Variants in TNNI3K observed in about 807,000 individuals in gnomAD.
The protein encoded by TNNI3K is TNNI3 interacting kinase.
In TNNI3K, 140 loss-of-function variants were observed where a neutral mutation model predicts 114.5. The observed-to-expected ratio is 1.22, with a 90% CI of 1.07 to 1.41. TNNI3K has a LOEUF of 1.41. Among genes scored for constraint, TNNI3K ranks in the 40% most tolerant of loss-of-function variants. The probability of loss-of-function intolerance (pLI) is 0.00; values close to 1 mark genes in which losing one functional copy is unlikely to be tolerated. For synonymous variants in TNNI3K, 347 were observed against 347.5 expected (o/e 1.00, Z 0.02); for missense variants, 1,125 against 1,007.6 (o/e 1.12, Z -1.58).
intron 23 of TNNI3K, among the ~76,000 whole-genome samples, chr1:74,493,389 A>C (rs1470893217): frequency 6.6e-6 from 1 of 152,204 alleles, no homozygotes; most frequent in African/African-American, 2.4e-5. Context: ...AACAGAAGCA[A>C]AAACAAAAAG....
intron 4 of TNNI3K, among the ~76,000 whole-genome samples, chr1:74,267,762 A>G (rs991539083): frequency 3.3e-5 from 5 of 151,962 alleles, no homozygotes; most frequent in African/African-American, 1.2e-4. Flanking sequence ...GAGAAATCCA[A>G]CCAAGGTATG....
intron 5 of TNNI3K, among the ~76,000 whole-genome samples, chr1:74,275,572 T>C (rs151245813): frequency 2.0e-3 from 304 of 151,920 alleles, no homozygotes; most frequent in African/African-American, 6.8e-3. Context: ...ATTGAACTAG[T>C]CTAAAGAATG....
At chr1:74,282,427 C>T (rs868217949) in intron 5 of TNNI3K, among the ~76,000 whole-genome samples, 1 of 151,968 alleles carries the variant, frequency 6.6e-6, no homozygotes, top group African/African-American at 2.4e-5. Context: ...TGTATGTTAA[C>T]ATGCTCATAT....
chr1:74,527,560 A>G (rs1389484158), intron 23 of TNNI3K, among the ~76,000 whole-genome samples: 1 of 152,182 alleles, frequency 6.6e-6, no homozygotes. Flanking sequence ...TATGGTGGAT[A>G]GGGAGGGGAG....
intron 2 of TNNI3K, among the ~76,000 whole-genome samples, chr1:74,247,855 A>G (rs1166947419): frequency 2.0e-5 from 3 of 152,174 alleles, no homozygotes; most frequent in Non-Finnish European, 4.4e-5. Context: ...GATCCCACGC[A>G]GGGGCCGCAG....
At chr1:74,303,714 G>T (rs1658462856) in intron 5 of TNNI3K, among the ~76,000 whole-genome samples, 1 of 152,180 alleles carries the variant, frequency 6.6e-6, no homozygotes, top group South Asian at 2.1e-4. Flanking sequence ...GATTATAGCT[G>T]CCATAGATAG....
rs138866304 is a variant in TNNI3K, at chr1:74,307,334, A to G, written c.445-24116A>G. Among the ~76,000 whole-genome samples, 221 of 152,300 alleles carry G rather than the reference A, an allele frequency of 1.5e-3. 2 individuals carry two copies. The highest frequency in any genetic ancestry group is 5.0e-3 in the African/African-American group (209 of 41,568). On this transcript the variant is annotated intron_variant, in intron 5 of 24. Transcript: ENST00000326637. ...TTCTCTTAAAAGACATAGAGTTGCA[A>G]ATTGGATAAAAATCGAGACCCAACT...
At chr1:74,458,397 G>T (rs1375793415) in intron 20 of TNNI3K, among the ~76,000 whole-genome samples, 1 of 152,096 alleles carries the variant, frequency 6.6e-6, no homozygotes, top group East Asian at 1.9e-4. Context: ...CTGAAAATTA[G>T]ACCTCCAGAT....
At chr1:74,357,150 T>C (rs1661705898) in intron 11 of TNNI3K, among the ~76,000 whole-genome samples, 1 of 152,102 alleles carries the variant, frequency 6.6e-6, no homozygotes, top group African/African-American at 2.4e-5. Context: ...CTATATTAAT[T>C]GATATAGCAT....
intron 23 of TNNI3K, among the ~76,000 whole-genome samples, chr1:74,525,947 T>C (rs1646499059): frequency 6.6e-6 from 1 of 152,314 alleles, no homozygotes; most frequent in East Asian, 1.9e-4. Context: ...CATTTTGTTA[T>C]TCAGGGTCTG....
rs566299797 is a variant in TNNI3K, at chr1:74,350,514, G to A, written c.933-2752G>A. Among the ~76,000 whole-genome samples, 271 of 152,154 alleles carry A rather than the reference G, an allele frequency of 1.8e-3. 2 individuals carry two copies. The highest frequency in any genetic ancestry group is 5.7e-3 in the African/African-American group (236 of 41,498). On this transcript the variant is annotated intron_variant, in intron 9 of 24. Transcript: ENST00000326637. ...TGGTGCAGAGCTGAGTTCAATTCCT[G>A]GATATCCTTGTTAACTTTCTGTCTC...
intron 17 of TNNI3K, chr1:74,370,599 T>A: frequency 2.7e-6 from 1 of 376,378 alleles, no homozygotes; most frequent in Non-Finnish European, 4.7e-6. Context: ...AGGGATCTTT[T>A]AAATCTATGA....
At chr1:74,281,031 C>T (rs1341103409) in intron 5 of TNNI3K, among the ~76,000 whole-genome samples, 1 of 152,148 alleles carries the variant, frequency 6.6e-6, no homozygotes, top group Non-Finnish European at 1.5e-5. Flanking sequence ...CTCCTGATTC[C>T]AGGCCCTGGC....
At chr1:74,396,542 T>C (rs892839956) in intron 17 of TNNI3K, among the ~76,000 whole-genome samples, 1 of 152,142 alleles carries the variant, frequency 6.6e-6, no homozygotes, top group Non-Finnish European at 1.5e-5. Flanking sequence ...GAATATTCTG[T>C]TTACTGGGGA....
At chr1:74,367,507 T>TA (rs1553137358) in intron 12 of TNNI3K, among the ~76,000 whole-genome samples, 165 bp downstream of exon 12, 1 of 151,916 alleles carries the variant, frequency 6.6e-6, no homozygotes, top group Non-Finnish European at 1.5e-5. Flanking sequence ...AGGCTGAACA[T>TA]AAAGAAGCCT....
chr1:74,340,670 G>C (rs1660705522), intron 7 of TNNI3K, among the ~76,000 whole-genome samples: 1 of 152,138 alleles, frequency 6.6e-6, no homozygotes, highest in South Asian at 2.1e-4. Context: ...ATGGCCAAAG[G>C]CAAATTATAA....
Position 74,236,121 on chromosome 1 carries a change from C to T in TNNI3K, c.60C>T (p.Val20=). ...QTCTDEWKKK[V]SESYVITIER... The stretch of plus-strand genomic sequence containing the variant: ...TACTAGATGAATGGAAGAAAAAAGT[C>T]AGTGAATCATATGTTATCACAATAG... Residue 20 remains valine (V), a synonymous_variant, in exon 2 of 25, where the codon GTC becomes GTT. Coordinates refer to ENST00000326637, the MANE Select transcript of TNNI3K (RefSeq NM_015978.3). 1 of 1,605,594 alleles carries T rather than the reference C, an allele frequency of 6.2e-7. No homozygotes were observed. The highest frequency in any genetic ancestry group is 1.3e-5 in the African/African-American group (1 of 74,476).
intron 5 of TNNI3K, among the ~76,000 whole-genome samples, chr1:74,321,064 A>G (rs1659585288): frequency 1.3e-5 from 2 of 152,154 alleles, no homozygotes; most frequent in Admixed American, 6.5e-5. Flanking sequence ...GCCTGTGGCA[A>G]TTTATATAAA....
intron 20 of TNNI3K, among the ~76,000 whole-genome samples, chr1:74,457,013 C>A (rs1404771760): frequency 2.6e-5 from 4 of 152,110 alleles, no homozygotes; most frequent in African/African-American, 9.7e-5. Context: ...TCCTTTTCCA[C>A]ATATTATTTG....
Sources: allele counts gnomAD v4.1 joint callset (sites outside exome capture counted in the v4.1 genomes callset), GRCh38; gene constraint gnomAD v4.1.1; transcripts MANE v1.5; gene names NCBI Gene and HGNC (gene_info 2026-07-23, HGNC 2026-07-21).